TSTD2: variants seen among roughly 807,000 people sequenced by gnomAD.
TSTD2 encodes thiosulfate sulfurtransferase like domain containing 2.
In TSTD2, 37 loss-of-function variants were observed where a neutral mutation model predicts 47.9. That is an observed-to-expected ratio of 0.77 (90% CI 0.59 to 1.02). TSTD2 has a LOEUF of 1.02. TSTD2 is among the 50% of genes least tolerant of loss of function. The pLI, the probability that TSTD2 is intolerant of heterozygous loss-of-function variation, is 0.00. For missense variants in TSTD2, 586 were observed against 616.0 expected (o/e 0.95, Z 0.52); for synonymous variants, 201 against 215.9 (o/e 0.93, Z 0.61).
rs928972004 is a variant in TSTD2 at position 97,600,499 on chromosome 9, G to A, written c.*1970C>T. On this transcript the variant is annotated 3_prime_UTR_variant, in exon 10 of 10. Coordinates refer to ENST00000341170, the MANE Select transcript of TSTD2 (RefSeq NM_139246.5). The stretch of plus-strand genomic sequence containing the variant: ...CCTTATGATGGATGTGAAAATCTAC[G>A]GCCAAATACTTTTGAAAACACCTTT... 1.9e-5 allele frequency: 19 copies of A among 985,404 alleles called. No homozygotes were observed. Among genetic ancestry groups the A allele is most frequent in the Admixed American group, 6.1e-5 (1 of 16,268 alleles). The allele number at this position is 985,404 out of a possible 1,614,324, so 61.0% of individuals were successfully genotyped here.
chr9:97,605,663 A>G (rs1414318912), intron 7 of TSTD2, 22 bp from the exon 8 acceptor site: 23 of 1,613,998 alleles, frequency 1.4e-5, no homozygotes, highest in Non-Finnish European at 1.9e-5. Flanking sequence ...GAGCAACAAA[A>G]GGAAAATTAT....
rs1826355435 is a variant in TSTD2 at position 97,605,766 on chromosome 9, C to T, written c.955-125G>A. The T allele has an allele frequency of 5.7e-6, 7 of 1,225,264 alleles. No homozygotes were observed. In the East Asian group the frequency reaches 1.5e-4, roughly 26 times the overall value. The allele number at this position is 1,225,264 out of a possible 1,614,324, so 75.9% of individuals were successfully genotyped here. On this transcript the variant is annotated intron_variant, in intron 7 of 9. Transcript: ENST00000341170. ...CCCCTGCCAGTTGCTAATCTCATCCCCACTCTGACCTTTCAACTTCAAGAT... is the reference window on the plus strand; with the variant it reads ...CCCCTGCCAGTTGCTAATCTCATCCTCACTCTGACCTTTCAACTTCAAGAT...
chr9:97,633,050 G>A (rs1395488525), intron 1 of TSTD2, among the ~76,000 whole-genome samples, 193 bp downstream of exon 1: 2 of 152,254 alleles, frequency 1.3e-5, no homozygotes, highest in Admixed American at 1.3e-4. Flanking sequence ...AACAACTTAA[G>A]GAAAATGACG....
intron 6 of TSTD2, among the ~76,000 whole-genome samples, chr9:97,609,758 G>A (rs1234182458): frequency 6.6e-6 from 1 of 152,220 alleles, no homozygotes; most frequent in African/African-American, 2.4e-5. Context: ...ATGGGAGAAG[G>A]GATGGGGTAT....
In TSTD2 at chr9:97,617,767, A is replaced by ACAC. The variant is rs1308420529; in HGVS notation, c.592_593insGTG (p.Leu198delinsArgVal). The stretch of plus-strand genomic sequence containing the variant: ...AGGAGAAGGTGTTACCTTGCCTGTG[A>ACAC]GGTGCAGGTGCTGACACAGAGCTGT... On this transcript the variant is annotated protein_altering_variant, in exon 4 of 10. Coordinates refer to ENST00000341170, the MANE Select transcript of TSTD2 (RefSeq NM_139246.5). The ACAC allele has an allele frequency of 6.2e-7, 1 of 1,613,476 alleles. No individual in the cohort carries two copies. Among genetic ancestry groups the ACAC allele is most frequent in the Non-Finnish European group, 8.5e-7 (1 of 1,179,794 alleles).
Position 97,601,421 on chromosome 9 carries a change from T to C in TSTD2, c.*1048A>G, listed in dbSNP as rs528276309. 8 of 1,036,930 alleles carry C rather than the reference T, an allele frequency of 7.7e-6. No homozygotes were observed. In the South Asian group the frequency reaches 1.8e-4, roughly 24 times the overall value. The allele number at this position is 1,036,930 out of a possible 1,614,324, so 64.2% of individuals were successfully genotyped here. On this transcript the variant is annotated 3_prime_UTR_variant, in exon 10 of 10. Transcript: ENST00000341170. Reference sequence around the variant, plus strand: ...TGTGGCTCAAATGTCACCGAGCTTATATGAAGCTCCCAGAGAGAACATTTA... The same window carrying C: ...TGTGGCTCAAATGTCACCGAGCTTACATGAAGCTCCCAGAGAGAACATTTA...
chr9:97,625,281 C>T (rs566662083), intron 3 of TSTD2, among the ~76,000 whole-genome samples: 3 of 152,184 alleles, frequency 2.0e-5, no homozygotes, highest in East Asian at 3.8e-4. Flanking sequence ...ACTTTATTGT[C>T]GTGCAATATT....
chr9:97,610,102 C>G (rs1587977439), intron 6 of TSTD2: 1 of 319,694 alleles, frequency 3.1e-6, no homozygotes, highest in Non-Finnish European at 5.8e-6. Flanking sequence ...TTGGAAAGAG[C>G]AAACAACTAA....
chr9:97,609,971 G>C (rs1030575987), intron 6 of TSTD2, among the ~76,000 whole-genome samples: 1 of 152,222 alleles, frequency 6.6e-6, no homozygotes, highest in Non-Finnish European at 1.5e-5. Flanking sequence ...CTAGAGCACA[G>C]TGAAAACTGC....
chr9:97,627,150 C>T (rs532233912), intron 2 of TSTD2, among the ~76,000 whole-genome samples: 27 of 151,986 alleles, frequency 1.8e-4, no homozygotes, highest in African/African-American at 5.5e-4. Context: ...TCTTTTTTGA[C>T]CTGGGGGGTG....
At chr9:97,630,805 G>C (rs1359907799) in intron 1 of TSTD2, among the ~76,000 whole-genome samples, 1 of 151,714 alleles carries the variant, frequency 6.6e-6, no homozygotes, top group African/African-American at 2.4e-5. Context: ...AATTACATGA[G>C]AAAAGAAAAA....
chr9:97,620,843 A>C (rs1434912503), intron 3 of TSTD2, among the ~76,000 whole-genome samples: 1 of 152,258 alleles, frequency 6.6e-6, no homozygotes, highest in East Asian at 1.9e-4. Flanking sequence ...CAGTTTTATA[A>C]GGGAAGCAAA....
At chr9:97,609,331 A>G (rs1826419315) in intron 6 of TSTD2, among the ~76,000 whole-genome samples, 1 of 152,210 alleles carries the variant, frequency 6.6e-6, no homozygotes, top group African/African-American at 2.4e-5. Flanking sequence ...AACTTATAGG[A>G]AATAAAGAGG....
Position 97,627,472 on chromosome 9 carries a change from T to C in TSTD2, c.91A>G (p.Ile31Val). 1 of 1,613,722 alleles carries C rather than the reference T, an allele frequency of 6.2e-7. No individual in the cohort carries two copies. The highest frequency in any genetic ancestry group is 1.3e-5 in the African/African-American group (1 of 75,048). Residue 31 changes from isoleucine (I) to valine (V), a missense_variant, in exon 2 of 10, where the codon ATT becomes GTT. By Grantham distance (29) the Ile-to-Val change is conservative. Transcript: ENST00000341170. ...GCTTTAAGACTGCTGCTGGGATTAA[T>C]AAGACTCATATCTTTTAAATCCAGG... is the stretch of plus-strand genomic sequence containing the variant. ...SDLDLKDMSLINPSSSLKAEL... is the reference protein window; with the variant it reads ...SDLDLKDMSLVNPSSSLKAEL...
In TSTD2 at chr9:97,600,210, C is replaced by A; in HGVS notation, c.*2259G>T. ...TCGATTAAAGTTGCCAAATTGATTA[C>A]TGGATCCAGAACACAATTTTCCCCT... is the stretch of plus-strand genomic sequence containing the variant. On this transcript the variant is annotated 3_prime_UTR_variant, in exon 10 of 10. Transcript: ENST00000341170. The A allele has an allele frequency of 1.0e-6, 1 of 995,232 alleles. No individual in the cohort carries two copies. Among genetic ancestry groups the A allele is most frequent in the Non-Finnish European group, 1.2e-6 (1 of 834,810 alleles). 61.7% of individuals were successfully genotyped at this position (995,232 alleles called of 1,614,324 possible).
intron 3 of TSTD2, 85 bp downstream of exon 3, chr9:97,625,596 G>T: frequency 7.6e-7 from 1 of 1,309,830 alleles, no homozygotes; most frequent in Non-Finnish European, 1.0e-6. Flanking sequence ...TCTCACTTTA[G>T]CCATTTTAAT....
In TSTD2 at chr9:97,617,786, G is replaced by C. The variant is rs1213302540; in HGVS notation, c.574C>G (p.Leu192Val). Residue 192 changes from leucine to valine, a missense_variant, in exon 4 of 10, where the codon CTG (leucine) becomes GTG (valine). Leu to Val is a conservative substitution (Grantham distance 32). Coordinates refer to ENST00000341170, the MANE Select transcript of TSTD2 (RefSeq NM_139246.5). ...PQWICAWQTALCQHLHLTGKI... is the reference protein window; with the variant it reads ...PQWICAWQTAVCQHLHLTGKI... The stretch of plus-strand genomic sequence containing the variant: ...CCTGTGAGGTGCAGGTGCTGACACA[G>C]AGCTGTCTGCCAGGCACAGATCCAT... 1 of 1,614,114 alleles carries C rather than the reference G, an allele frequency of 6.2e-7. No individual in the cohort carries two copies. The highest frequency in any genetic ancestry group is 1.7e-5 in the Admixed American group (1 of 59,998).
intron 4 of TSTD2, among the ~76,000 whole-genome samples, chr9:97,612,710 C>A (rs1477097461): frequency 6.6e-6 from 1 of 152,230 alleles, no homozygotes; most frequent in Admixed American, 6.5e-5. Flanking sequence ...CATGCGCCAC[C>A]AAGCCCAGCT....
At chr9:97,617,228 A>C (rs1169550571) in intron 4 of TSTD2, among the ~76,000 whole-genome samples, 2 of 152,200 alleles carry the variant, frequency 1.3e-5, no homozygotes, top group Non-Finnish European at 2.9e-5. Context: ...GGTGCAGGGA[A>C]GAGCACTCTA....
Sources: allele counts gnomAD v4.1 joint callset (sites outside exome capture counted in the v4.1 genomes callset), GRCh38; gene constraint gnomAD v4.1.1; transcripts MANE v1.5; gene names NCBI Gene and HGNC (gene_info 2026-07-23, HGNC 2026-07-21).